The following STK35 variants were observed in gnomAD, a reference collection of about 807,000 sequenced individuals.
STK35 encodes serine/threonine-protein kinase 35.
Under a neutral mutation model 37.3 loss-of-function variants are expected in STK35, and 17 were observed. The ratio of observed to expected loss-of-function variants is 0.46; its 90% CI spans 0.31 to 0.68. The LOEUF (loss-of-function observed/expected upper bound fraction) is 0.68. STK35 is among the 30% of genes least tolerant of loss of function. STK35 has a pLI of 0.05. For synonymous variants in STK35, 385 were observed against 319.1 expected, an observed-to-expected ratio of 1.21 and a Z score of -2.20; for missense variants, 595 against 746.7, an observed-to-expected ratio of 0.80 and a Z score of 2.37.
At chr20:2,138,702 T>A (rs1224244118) in intron 3 of STK35, among the ~76,000 whole-genome samples, 1 of 152,140 alleles carries the variant, frequency 6.6e-6, no homozygotes, top group Admixed American at 6.5e-5. Context: ...CTACTTACTT[T>A]CATCATCATT....
Position 2,117,015 on chromosome 20 carries a change from A to G in STK35, c.1242A>G (p.Ser414=), listed in dbSNP as rs779889894. Residue 414 remains serine (S), a synonymous_variant, in exon 3 of 4, where the codon TCA becomes TCG. Coordinates refer to ENST00000381482, the MANE Select transcript of STK35 (RefSeq NM_080836.4). The surrounding 1 kb of genome is among the most constrained non-coding windows in gnomAD (Gnocchi z 4.4). ...NVNVNKYWLS[S]ACGSDFYMAP... is the part of the protein sequence containing the mutation. ...ATGTGAATAAGTACTGGCTGTCCTCAGCCTGCGGTTCGGACTTCTACATGG... is the reference window on the plus strand; with the variant it reads ...ATGTGAATAAGTACTGGCTGTCCTCGGCCTGCGGTTCGGACTTCTACATGG... 1 of 1,614,248 alleles carries G rather than the reference A, an allele frequency of 6.2e-7. No individual in the cohort carries two copies. Among genetic ancestry groups the G allele is most frequent in the Non-Finnish European group, 8.5e-7 (1 of 1,180,046 alleles).
intron 3 of STK35, among the ~76,000 whole-genome samples, chr20:2,129,524 A>C (rs1007035834): frequency 6.6e-6 from 1 of 152,090 alleles, no homozygotes. Context: ...TAAAAAGGAA[A>C]ACATGCATGC....
chr20:2,123,282 G>C (rs1431405826), intron 3 of STK35, among the ~76,000 whole-genome samples: 1 of 152,160 alleles, frequency 6.6e-6, no homozygotes, highest in African/African-American at 2.4e-5. Context: ...ATGAGATCTT[G>C]GTAGCTGCCT....
At chr20:2,128,170 TC>T (rs985333782) in intron 3 of STK35, among the ~76,000 whole-genome samples, 56 of 152,274 alleles carry the variant, frequency 3.7e-4, no homozygotes, top group African/African-American at 1.3e-3. Flanking sequence ...GTATCAGCTC[TC>T]CAGGTGATGG....
At chr20:2,110,032 G>T (rs1248654694) in intron 2 of STK35, among the ~76,000 whole-genome samples, 1 of 152,238 alleles carries the variant, frequency 6.6e-6, no homozygotes, top group Non-Finnish European at 1.5e-5. Context: ...CTGTGGTGTT[G>T]CTATGGTACC....
chr20:2,135,904 G>A (rs1489260318), intron 3 of STK35, among the ~76,000 whole-genome samples: 2 of 152,128 alleles, frequency 1.3e-5, no homozygotes, highest in African/African-American at 2.4e-5. Context: ...AAACTGAGGC[G>A]GAAGGATCAC....
In STK35 at chr20:2,128,027, A is replaced by G. The variant is rs1191236100; in HGVS notation, c.*37+10612A>G. On this transcript the variant is annotated intron_variant, in intron 3 of 3. Coordinates refer to ENST00000381482, the MANE Select transcript of STK35 (RefSeq NM_080836.4). The stretch of plus-strand genomic sequence containing the variant: ...ATCCCACCCCCCAACACACAGTGTC[A>G]GTGAGAAACCCTAGCACCAGTGGTT... Among the ~76,000 whole-genome samples, 39 of 152,170 alleles carry G rather than the reference A, an allele frequency of 2.6e-4. 2 individuals carry two copies. The highest frequency in any genetic ancestry group is 2.6e-3 in the Admixed American group (39 of 15,272).
chr20:2,137,190 C>T (rs1986101347), intron 3 of STK35, among the ~76,000 whole-genome samples: 2 of 152,232 alleles, frequency 1.3e-5, no homozygotes, highest in Non-Finnish European at 2.9e-5. Context: ...CTGTGCACCT[C>T]ACTCCACCTG....
intron 2 of STK35, among the ~76,000 whole-genome samples, chr20:2,104,102 G>A (rs1985466624): frequency 6.6e-6 from 1 of 152,192 alleles, no homozygotes; most frequent in South Asian, 2.1e-4. Context: ...GGAAAATGGG[G>A]TACATTGAGG....
In STK35 at chr20:2,147,011, C is replaced by T. The variant is rs1986282071; in HGVS notation, c.*3265C>T. ...CCTCCCACCTGGACATAGTTTGCCC[C>T]TGTGGCTGCCTTTCTGAGGGAGTAT... is the stretch of plus-strand genomic sequence containing the variant. On this transcript the variant is annotated 3_prime_UTR_variant, in exon 4 of 4. Transcript: ENST00000381482. 6.5e-6 allele frequency: 1 copy of T among 152,678 alleles called. No individual in the cohort carries two copies. Among genetic ancestry groups the T allele is most frequent in the African/African-American group, 2.4e-5 (1 of 41,452 alleles). The allele number at this position is 152,678 out of a possible 1,614,324, so 9.5% of individuals were successfully genotyped here.
At chr20:2,104,462 A>T (rs1365062033) in intron 2 of STK35, among the ~76,000 whole-genome samples, 1 of 152,204 alleles carries the variant, frequency 6.6e-6, no homozygotes, top group African/African-American at 2.4e-5. Flanking sequence ...CTTGAAAGGG[A>T]AGTTAGACTG....
chr20:2,120,363 G>T lies in STK35; in HGVS notation c.*37+2948G>T, dbSNP rs541384679. ...AAGAGGGGAAAAGATTAGGAATATG[G>T]TTACTGGTGAGTGTCCCAGGCTGTT... On this transcript the variant is annotated intron_variant, in intron 3 of 3. Transcript: ENST00000381482. 2.4e-4 allele frequency among the ~76,000 whole-genome samples: 37 copies of T among 152,286 alleles called. 1 individual carries two copies. The South Asian group carries it at 6.4e-3, about 26-fold the overall frequency.
At chr20:2,140,655 CAG>C (rs1986158468) in intron 3 of STK35, among the ~76,000 whole-genome samples, 1 of 152,198 alleles carries the variant, frequency 6.6e-6, no homozygotes, top group Non-Finnish European at 1.5e-5. Flanking sequence ...GAACCAGACT[CAG>C]ACCTGTAGGC....
chr20:2,128,589 C>G (rs141762222), intron 3 of STK35, among the ~76,000 whole-genome samples: 4 of 152,054 alleles, frequency 2.6e-5, no homozygotes, highest in African/African-American at 9.7e-5. Context: ...GCCTCTTACT[C>G]CTGTGGGAGT....
At chr20:2,139,087 T>C (rs1986132463) in intron 3 of STK35, among the ~76,000 whole-genome samples, 1 of 152,138 alleles carries the variant, frequency 6.6e-6, no homozygotes, top group Non-Finnish European at 1.5e-5. Context: ...GGCCATCCTT[T>C]TAGAGTAAGG....
intron 3 of STK35, among the ~76,000 whole-genome samples, chr20:2,138,398 C>T (rs1325521104): frequency 6.6e-6 from 1 of 152,180 alleles, no homozygotes; most frequent in Non-Finnish European, 1.5e-5. Flanking sequence ...GGTCAGGTGC[C>T]ATGACAGGCA....
intron 3 of STK35, among the ~76,000 whole-genome samples, chr20:2,118,183 T>C (rs1985753007): frequency 1.3e-5 from 2 of 152,358 alleles, no homozygotes; most frequent in South Asian, 4.1e-4. Flanking sequence ...TGTCATACTT[T>C]AGAAGTATGG....
At chr20:2,138,027 A>G (rs972557752) in intron 3 of STK35, among the ~76,000 whole-genome samples, 5 of 152,198 alleles carry the variant, frequency 3.3e-5, no homozygotes, top group Non-Finnish European at 5.9e-5. Flanking sequence ...AATGAGGATA[A>G]TTCTTACATG....
In STK35 at chr20:2,146,825, T is replaced by C. The variant is rs1986277670; in HGVS notation, c.*3079T>C. The C allele has an allele frequency of 6.6e-6, 1 of 152,416 alleles. No individual in the cohort carries two copies. Among genetic ancestry groups the C allele is most frequent in the African/African-American group, 2.4e-5 (1 of 41,450 alleles). 9.4% of individuals were successfully genotyped at this position (152,416 alleles called of 1,614,324 possible). A position where few individuals can be genotyped will look rare whatever the true frequency, so the allele number is the denominator to read the frequency against. On this transcript the variant is annotated 3_prime_UTR_variant, in exon 4 of 4. Coordinates refer to ENST00000381482, the MANE Select transcript of STK35 (RefSeq NM_080836.4). ...ACAGAAAAACTGTGCTTTGGACAGG[T>C]GCACACTCTCTGCCTCTTACCTCTA...
Sources: allele counts gnomAD v4.1 joint callset (sites outside exome capture counted in the v4.1 genomes callset), GRCh38; gene constraint gnomAD v4.1.1; non-coding constraint Gnocchi (gnomAD v3.1); transcripts MANE v1.5; gene names NCBI Gene and HGNC (gene_info 2026-07-23, HGNC 2026-07-21).